Variants in ADCY1 observed in about 807,000 individuals in gnomAD.
ADCY1 encodes the protein adenylate cyclase 1.
In ADCY1, 28 loss-of-function variants were observed where a neutral mutation model predicts 105.4. The observed-to-expected ratio is 0.27, with a 90% CI of 0.20 to 0.36. The LOEUF (loss-of-function observed/expected upper bound fraction) is 0.36. Among genes scored for constraint, ADCY1 ranks in the 10% least tolerant of loss-of-function variants. ADCY1 has a pLI of 1.00. For missense variants in ADCY1, 977 were observed against 1,434.2 expected (o/e 0.68, Z 5.15); for synonymous variants, 655 against 623.8 (o/e 1.05, Z -0.75).
chr7:45,659,179 G>T lies in ADCY1; in HGVS notation c.1308-863G>T, dbSNP rs553109509. Among the ~76,000 whole-genome samples the T allele has an allele frequency of 3.3e-5, 5 of 152,344 alleles. No individual in the cohort carries two copies. The South Asian group carries it at 1.0e-3, about 32-fold the overall frequency. ...TGGGAAAGGCCTCGTGATCTCCTGAGCCCTGTCCTCACCCTCTCAGGATCC... is the reference window on the plus strand; with the variant it reads ...TGGGAAAGGCCTCGTGATCTCCTGATCCCTGTCCTCACCCTCTCAGGATCC... On this transcript the variant is annotated intron_variant, in intron 6 of 19. Coordinates refer to ENST00000297323, the MANE Select transcript of ADCY1 (RefSeq NM_021116.4).
chr7:45,639,046 A>G (rs76077131), intron 4 of ADCY1, among the ~76,000 whole-genome samples: 3,795 of 152,224 alleles, frequency 0.025, 66 homozygotes, highest in South Asian at 0.063. Context: ...TGTGTTGGTG[A>G]TGCAAGTGGC....
chr7:45,669,174 T>G (rs1784319457), intron 8 of ADCY1, among the ~76,000 whole-genome samples: 1 of 152,232 alleles, frequency 6.6e-6, no homozygotes, highest in African/African-American at 2.4e-5. Flanking sequence ...TCCGCTAGCT[T>G]TTGAATGTGT....
At chr7:45,634,488 TGGAA>T (rs1318889165) in intron 4 of ADCY1, among the ~76,000 whole-genome samples, 1 of 152,002 alleles carries the variant, frequency 6.6e-6, no homozygotes, top group Non-Finnish European at 1.5e-5. Flanking sequence ...TTGCATCTAT[TGGAA>T]GGATCATATG....
intron 5 of ADCY1, among the ~76,000 whole-genome samples, chr7:45,655,178 C>T (rs1794904862): frequency 6.6e-6 from 1 of 152,198 alleles, no homozygotes; most frequent in African/African-American, 2.4e-5. Flanking sequence ...CCTTTCACTT[C>T]CAAGCTTCAG....
chr7:45,642,337 T>C (rs75112838), intron 4 of ADCY1, among the ~76,000 whole-genome samples: 10,171 of 152,168 alleles, frequency 0.067, 386 homozygotes, highest in Middle Eastern at 0.088. Context: ...CAGGGGGTGA[T>C]TTAGGGCAGG....
rs1040591886 is a variant in ADCY1, at chr7:45,685,813, A to T, written c.2074-149A>T. On this transcript the variant is annotated intron_variant, in intron 12 of 19. Coordinates refer to ENST00000297323, the MANE Select transcript of ADCY1 (RefSeq NM_021116.4). ...GAGCCTTGAAGTGCTGTGAGTTGCC[A>T]TGAGGTCTGTGGCTTGGTGTGATAG... 1.6e-5 allele frequency: 16 copies of T among 1,007,332 alleles called. No individual in the cohort carries two copies. In the East Asian group the frequency reaches 3.1e-4, roughly 20 times the overall value. 62.4% of individuals were successfully genotyped at this position (1,007,332 alleles called of 1,614,324 possible).
chr7:45,615,232 T>C (rs1268714259), intron 3 of ADCY1, among the ~76,000 whole-genome samples: 1 of 152,170 alleles, frequency 6.6e-6, no homozygotes, highest in Non-Finnish European at 1.5e-5. Flanking sequence ...GAAAAATTCA[T>C]AAATGTGTTG....
chr7:45,696,819 G>A (rs1285260650), intron 14 of ADCY1, among the ~76,000 whole-genome samples: 1 of 152,158 alleles, frequency 6.6e-6, no homozygotes, highest in Non-Finnish European at 1.5e-5. Context: ...CCCACGGAGT[G>A]GGCAGAAATG....
chr7:45,637,571 A>G (rs1468900620), intron 4 of ADCY1, among the ~76,000 whole-genome samples: 1 of 152,010 alleles, frequency 6.6e-6, no homozygotes, highest in African/African-American at 2.4e-5. Context: ...AAAAAAAGAA[A>G]AAACTTAACT....
Position 45,703,604 on chromosome 7 carries a change from T to C in ADCY1, c.2576T>C (p.Leu859Pro). ...ACCCATCCTTTGAACTTCCAGGACC[T>C]CTACTACCAGTCCTACTCCCAGGTG... The part of the protein sequence containing the change: ...FLMSNPRNMD[L>P]YYQSYSQVGV... Residue 859 changes from leucine (L) to proline (P), a missense_variant, in exon 16 of 20, where the codon CTC becomes CCC. Physicochemically the swap from Leu to Pro is moderately conservative, Grantham distance 98 (BLOSUM62 -3). Transcript: ENST00000297323. This position sits in a 1 kb window ranked among gnomAD's most constrained non-coding sequence, Gnocchi z 5.9. 1 of 1,612,148 alleles carries C rather than the reference T, an allele frequency of 6.2e-7. No individual in the cohort carries two copies.
At chr7:45,656,193 C>T (rs1404859607) in intron 5 of ADCY1, among the ~76,000 whole-genome samples, 1 of 151,854 alleles carries the variant, frequency 6.6e-6, no homozygotes. Flanking sequence ...GTCCCAGCTA[C>T]TCGGGAGACT....
chr7:45,655,739 T>G (rs138109322), intron 5 of ADCY1, among the ~76,000 whole-genome samples: 152 of 152,304 alleles, frequency 1.0e-3, no homozygotes, highest in African/African-American at 3.6e-3. Context: ...CCTAAAGGTT[T>G]GCTTTGGTGA....
chr7:45,642,908 C>T (rs1794563695), intron 4 of ADCY1, among the ~76,000 whole-genome samples: 1 of 152,122 alleles, frequency 6.6e-6, no homozygotes, highest in African/African-American at 2.4e-5. Context: ...AATACTTATT[C>T]AGCTATTTGG....
chr7:45,642,533 C>A (rs1465920903), intron 4 of ADCY1, among the ~76,000 whole-genome samples: 1 of 152,184 alleles, frequency 6.6e-6, no homozygotes, highest in East Asian at 1.9e-4. Flanking sequence ...GCTCCTCCTG[C>A]CCACTTGTTG....
At chr7:45,642,541 T>C (rs1455762487) in intron 4 of ADCY1, among the ~76,000 whole-genome samples, 33 of 152,214 alleles carry the variant, frequency 2.2e-4, no homozygotes, top group Non-Finnish European at 2.9e-5. Context: ...TGCCCACTTG[T>C]TGGCTTCTAT....
intron 2 of ADCY1, among the ~76,000 whole-genome samples, chr7:45,609,512 T>G (rs558363999): frequency 6.6e-6 from 1 of 152,210 alleles, no homozygotes; most frequent in Non-Finnish European, 1.5e-5. Flanking sequence ...GTTTCCGCGC[T>G]TGTCAGTGGG....
rs972141713 is a variant in ADCY1, at chr7:45,708,132, G to T, written c.2818-218G>T. ...CCTATTCCTGCAGGCAGCCTTGGGT[G>T]GGCCCTGTCTCTGCCCCTCAGGAGC... On this transcript the variant is annotated intron_variant, in intron 17 of 19. Transcript: ENST00000297323. The surrounding 1 kb of genome is among the most constrained non-coding windows in gnomAD (Gnocchi z 4.7). Among the ~76,000 whole-genome samples the T allele has an allele frequency of 1.3e-5, 2 of 152,206 alleles. No individual in the cohort carries two copies. Among genetic ancestry groups the T allele is most frequent in the Non-Finnish European group, 2.9e-5 (2 of 68,032 alleles).
chr7:45,626,212 G>A (rs1288978009), intron 4 of ADCY1, among the ~76,000 whole-genome samples: 1 of 152,228 alleles, frequency 6.6e-6, no homozygotes, highest in African/African-American at 2.4e-5. Flanking sequence ...AATGGGTGTG[G>A]CTGTACACCA....
At chr7:45,705,249 C>A (rs990556315) in intron 17 of ADCY1, among the ~76,000 whole-genome samples, 6 of 152,084 alleles carry the variant, frequency 3.9e-5, no homozygotes, top group Non-Finnish European at 7.3e-5. Context: ...GAATACCAGA[C>A]CCAGACAAAG....
Sources: gnomAD v4.1 joint callset for allele counts (sites outside exome capture counted in the v4.1 genomes callset) on GRCh38, gnomAD v4.1.1 for gene constraint, Gnocchi (gnomAD v3.1) non-coding constraint, MANE v1.5 for transcripts, NCBI Gene and HGNC (gene_info 2026-07-23, HGNC 2026-07-21) for gene names.